Variants in ADAMTSL1 observed in about 807,000 individuals in gnomAD.
ADAMTSL1 encodes the protein ADAMTS-like protein 1.
ADAMTSL1 carries 126 observed loss-of-function variants against 201.8 expected under a neutral mutation model. The ratio of observed to expected loss-of-function variants is 0.62; its 90% CI spans 0.54 to 0.72. The LOEUF (loss-of-function observed/expected upper bound fraction) is 0.72. ADAMTSL1 is among the 30% of genes least tolerant of loss of function. The pLI is 0.00. For missense variants in ADAMTSL1, 2,679 were observed against 2,277.8 expected (o/e 1.18, Z -3.59); for synonymous variants, 1,121 against 903.4 (o/e 1.24, Z -4.32).
chr9:18,574,719 A>C (rs1427182672), intron 4 of ADAMTSL1, among the ~76,000 whole-genome samples: 1 of 152,178 alleles, frequency 6.6e-6, no homozygotes, highest in Non-Finnish European at 1.5e-5. Context: ...CTACTTTACT[A>C]TAATTTCCAT....
In ADAMTSL1 at chr9:18,155,245, A is replaced by G. The variant is rs200913426; in HGVS notation, c.88-8617A>G. Among the ~76,000 whole-genome samples the G allele has an allele frequency of 2.6e-5, 4 of 152,070 alleles. No homozygotes were observed. The East Asian group carries it at 5.8e-4, about 22-fold the overall frequency. On this transcript the variant is annotated intron_variant, in intron 1 of 29. Coordinates refer to the ADAMTSL1 transcript ENST00000680146. ...GTTAGATTGCCCAGGAAATGATTTA[A>G]TTTACTACTCCGACTTTGTATGAAA... is the stretch of plus-strand genomic sequence containing the variant.
chr9:18,164,822 AGT>A (rs1827562520), intron 2 of ADAMTSL1, among the ~76,000 whole-genome samples: 1 of 151,878 alleles, frequency 6.6e-6, no homozygotes, highest in South Asian at 2.1e-4. Flanking sequence ...CTCTCTCAAG[AGT>A]GTATCTTTTG....
intron 2 of ADAMTSL1, among the ~76,000 whole-genome samples, chr9:18,514,870 T>C (rs1349560728): frequency 1.3e-5 from 2 of 152,208 alleles, no homozygotes. Context: ...GTTCCTGATA[T>C]TAGAGGAAAA....
intron 1 of ADAMTSL1, among the ~76,000 whole-genome samples, chr9:18,074,589 T>A (rs1182494038): frequency 6.6e-6 from 1 of 151,594 alleles, no homozygotes; most frequent in Non-Finnish European, 1.5e-5. Flanking sequence ...CTTTTTTTGT[T>A]GTTGTTGTTA....
intron 1 of ADAMTSL1, among the ~76,000 whole-genome samples, chr9:17,998,748 G>T (rs1162213661): frequency 2.6e-5 from 4 of 152,008 alleles, no homozygotes; most frequent in Non-Finnish European, 5.9e-5. Flanking sequence ...CTAGGAGGTA[G>T]GCTTCTGACT....
chr9:18,007,985 T>A (rs1819899237), intron 1 of ADAMTSL1, among the ~76,000 whole-genome samples: 1 of 151,982 alleles, frequency 6.6e-6, no homozygotes, highest in South Asian at 2.1e-4. Context: ...TTCAAAGAAA[T>A]TGGCCCCTTA....
At chr9:18,753,270 G>T in intron 15 of ADAMTSL1, 28 bp from the exon 16 acceptor site, 1 of 1,590,294 alleles carries the variant, frequency 6.3e-7, no homozygotes, top group Non-Finnish European at 8.6e-7. Context: ...CTAAGGGTGT[G>T]TCCTCTTCCT....
chr9:17,975,654 T>G (rs529640557), intron 1 of ADAMTSL1, among the ~76,000 whole-genome samples: 6 of 152,232 alleles, frequency 3.9e-5, no homozygotes, highest in Non-Finnish European at 7.4e-5. Context: ...TTTTTTGCCA[T>G]TCTGAAGGTC....
intron 7 of ADAMTSL1, chr9:18,651,149 C>T (rs538986328): frequency 6.6e-6 from 1 of 152,294 alleles, no homozygotes; most frequent in East Asian, 1.9e-4. Context: ...AGATAAATGG[C>T]TATGAGAGCA....
chr9:18,887,470 A>G (rs12006553), intron 23 of ADAMTSL1, among the ~76,000 whole-genome samples: 4,309 of 152,300 alleles, frequency 0.028, 195 homozygotes, highest in African/African-American at 0.096. Flanking sequence ...TCGTATTTGA[A>G]GAAGGAATTT....
chr9:18,310,902 C>T (rs1587526653), intron 2 of ADAMTSL1, among the ~76,000 whole-genome samples: 2 of 152,236 alleles, frequency 1.3e-5, no homozygotes, highest in South Asian at 2.1e-4. Context: ...GACACATGCA[C>T]ATGTATGTTT....
intron 1 of ADAMTSL1, among the ~76,000 whole-genome samples, chr9:17,954,117 A>G (rs926221285): frequency 1.3e-5 from 2 of 152,140 alleles, no homozygotes; most frequent in Non-Finnish European, 2.9e-5. Context: ...TCTGTCTATC[A>G]CCTCATGTGG....
rs1829035718 is a variant in ADAMTSL1, at chr9:18,193,093, T to G, written c.207+29112T>G. ...TCTAGATTTCCTTTTCCAGGTTTTT[T>G]TGGTTGGGCTAAATAAATAAATAAA... On this transcript the variant is annotated intron_variant, in intron 2 of 29. Transcript: ENST00000680146. 2.6e-5 allele frequency among the ~76,000 whole-genome samples: 4 copies of G among 152,146 alleles called. No homozygotes were observed. The South Asian group carries it at 8.3e-4, about 32-fold the overall frequency.
Position 18,392,900 on chromosome 9 carries a change from T to C in ADAMTSL1, c.208-111929T>C, listed in dbSNP as rs143389481. Among the ~76,000 whole-genome samples, 394 of 152,304 alleles carry C rather than the reference T, an allele frequency of 2.6e-3. 1 individual carries two copies. The highest frequency in any genetic ancestry group is 0.02 in the Middle Eastern group (6 of 294). ...ATCAGGTCTTTGCTTCTGCCAGTCT[T>C]AGGCTACACATGGCTATTTCACATG... On this transcript the variant is annotated intron_variant, in intron 2 of 29. Transcript: ENST00000680146.
intron 14 of ADAMTSL1, among the ~76,000 whole-genome samples, chr9:18,708,811 A>T (rs577214074): frequency 1.2e-4 from 19 of 152,376 alleles, no homozygotes; most frequent in Admixed American, 1.2e-3. Flanking sequence ...GATGGAAAAA[A>T]TAGATACAGT....
chr9:18,662,202 G>T (rs1235345776), intron 9 of ADAMTSL1, 129 bp downstream of exon 9: 2 of 1,234,520 alleles, frequency 1.6e-6, no homozygotes, highest in Admixed American at 4.7e-5. Context: ...GCTGTCCAGT[G>T]TTCATTACTA....
In ADAMTSL1 at chr9:18,706,915, C is replaced by G. The variant is rs1832267160; in HGVS notation, c.1743C>G (p.Gly581=). The G allele has an allele frequency of 6.2e-7, 1 of 1,613,840 alleles. No individual in the cohort carries two copies. Residue 581 remains glycine (G), a synonymous_variant, in exon 14 of 29, where the codon GGC becomes GGG. Coordinates refer to ENST00000380548, the MANE Select transcript of ADAMTSL1 (RefSeq NM_001040272.6). ...KPASQRACYA[G]PCSGEIPEFN... is the part of the protein sequence containing the mutation. ...CATCCCAGCGTGCCTGTTATGCAGG[C>G]CCATGCAGCGGGGAAATTCCTGAGT...
intron 2 of ADAMTSL1, among the ~76,000 whole-genome samples, chr9:18,406,289 TTTTTCTTTTC>T (rs141305844): frequency 0.02 from 2,344 of 117,470 alleles, 72 homozygotes; most frequent in African/African-American, 0.078. Flanking sequence ...ATAAGACAGT[TTTTTCTTTTC>T]TTTTCTTTTC....
At chr9:18,023,254 C>G (rs116726050) in intron 1 of ADAMTSL1, among the ~76,000 whole-genome samples, 35 of 152,134 alleles carry the variant, frequency 2.3e-4, no homozygotes, top group African/African-American at 7.7e-4. Context: ...ATTGCTGGGT[C>G]CCTCTCCCAA....
Sources: gnomAD v4.1 joint callset for allele counts (sites outside exome capture counted in the v4.1 genomes callset) on GRCh38, gnomAD v4.1.1 for gene constraint, MANE v1.5 for transcripts, NCBI Gene and HGNC (gene_info 2026-07-23, HGNC 2026-07-21) for gene names.